Variants in GATA6 observed in about 807,000 individuals in gnomAD.
GATA6 encodes the protein transcription factor GATA-6.
GATA6 carries 11 observed loss-of-function variants against 48.1 expected under a neutral mutation model. The ratio of observed to expected loss-of-function variants is 0.23; its 90% CI spans 0.14 to 0.38. The LOEUF is 0.38. Ranked by LOEUF, GATA6 falls within the 10% of genes least tolerant of loss-of-function variation. The pLI, the probability that GATA6 is intolerant of heterozygous loss-of-function variation, is 1.00. For synonymous variants in GATA6, 419 were observed against 396.1 expected (o/e 1.06, Z -0.69); for missense variants, 795 against 850.3 (o/e 0.93, Z 0.81).
At chr18:22,191,232 A>G (rs1420542127) in intron 6 of GATA6, among the ~76,000 whole-genome samples, 1 of 152,160 alleles carries the variant, frequency 6.6e-6, no homozygotes, top group African/African-American at 2.4e-5. Flanking sequence ...GTGACTCATT[A>G]TCACTATCTG....
At chr18:22,180,689 T>TAAA (rs769055281) in intron 3 of GATA6, among the ~76,000 whole-genome samples, 14 of 150,754 alleles carry the variant, frequency 9.3e-5, no homozygotes, top group South Asian at 2.1e-4. Flanking sequence ...TTTTTTTTTT[T>TAAA]AAAAAAAACT....
At chr18:22,200,135 A>C (rs1012101084) in intron 6 of GATA6, among the ~76,000 whole-genome samples, 4 of 152,098 alleles carry the variant, frequency 2.6e-5, no homozygotes, top group African/African-American at 9.7e-5. Flanking sequence ...TTTTCTAAAA[A>C]GTCTAAAAAG....
intron 6 of GATA6, among the ~76,000 whole-genome samples, chr18:22,187,330 C>T (rs2033275215): frequency 6.6e-6 from 1 of 151,942 alleles, no homozygotes; most frequent in Admixed American, 6.6e-5. Flanking sequence ...AAAATACAAA[C>T]TTAGCCAGGC....
intron 5 of GATA6, 34 bp downstream of exon 5, chr18:22,182,878 T>A (rs369486263): frequency 1.3e-6 from 2 of 1,598,738 alleles, no homozygotes; most frequent in Non-Finnish European, 1.7e-6. Context: ...GACTGTAAAG[T>A]ATTTGCCAAC....
chr18:22,200,552 C>A (rs563666394), intron 6 of GATA6, 104 bp from the exon 7 acceptor site: 3 of 1,441,144 alleles, frequency 2.1e-6, no homozygotes, highest in South Asian at 1.1e-5. Flanking sequence ...CAGCTCTGGC[C>A]CTGGCTGCAC....
intron 4 of GATA6, among the ~76,000 whole-genome samples, chr18:22,182,349 CTT>C (rs34089081): frequency 8.2e-5 from 11 of 134,070 alleles, no homozygotes; most frequent in African/African-American, 1.4e-4. Context: ...ATGCCAAGTT[CTT>C]TTTTTTTTTT....
chr18:22,194,616 AAT>A (rs2033367229), intron 6 of GATA6, among the ~76,000 whole-genome samples: 1 of 152,138 alleles, frequency 6.6e-6, no homozygotes, highest in South Asian at 2.1e-4. Context: ...TTTGTGGGAA[AAT>A]ATATCAACCA....
At position 22,183,353 on chromosome 18, in the gene GATA6, A is replaced by G. The variant is rs1404711238; in HGVS notation, c.1620+310A>G. ...TTTCCAGGTTTTTATCAGAGTTGCT[A>G]TATATATTATATGTGTATATTTATG... On this transcript the variant is annotated intron_variant, in intron 6 of 6. Coordinates refer to ENST00000269216, the MANE Select transcript of GATA6 (RefSeq NM_005257.6). 3.3e-5 allele frequency among the ~76,000 whole-genome samples: 5 copies of G among 152,288 alleles called. No homozygotes were observed. In the South Asian group the frequency reaches 6.2e-4, roughly 19 times the overall value.
In GATA6 at chr18:22,171,324, C is replaced by G. The variant is rs1431278250; in HGVS notation, c.180C>G (p.Cys60Trp). 4 of 1,587,778 alleles carry G rather than the reference C, an allele frequency of 2.5e-6. No homozygotes were observed. Among genetic ancestry groups the G allele is most frequent in the Non-Finnish European group, 3.4e-6 (4 of 1,173,938 alleles). ...GGGGCCCCGGCGGCGCCAGCAACTGCGGGACGCCTCAGCTCGACACGGAGG... is the reference window on the plus strand; with the variant it reads ...GGGGCCCCGGCGGCGCCAGCAACTGGGGGACGCCTCAGCTCGACACGGAGG... Reference protein sequence around the residue: ...GERGPGGASNCGTPQLDTEAA... With the variant: ...GERGPGGASNWGTPQLDTEAA... The change falls in exon 2 of 7, where the codon TGC becomes TGG. Residue 60 changes from cysteine to tryptophan, a missense_variant. By Grantham distance (215) the Cys-to-Trp change is radical. Transcript: ENST00000269216. The surrounding 1 kb of genome is among the most constrained non-coding windows in gnomAD (Gnocchi z 7.1).
chr18:22,181,506 C>T lies in GATA6; in HGVS notation c.1356C>T (p.Thr452=). ...GTGCCAACTGTCACACCACAACTAC[C>T]ACCTTATGGCGCAGAAACGCCGAGG... The part of the protein sequence containing the change: ...LSCANCHTTT[T]TLWRRNAEGE... The change falls in exon 4 of 7, where the codon ACC becomes ACT. Residue 452 remains threonine (T), a synonymous_variant. Coordinates refer to ENST00000269216, the MANE Select transcript of GATA6 (RefSeq NM_005257.6). The T allele has an allele frequency of 6.2e-7, 1 of 1,614,158 alleles. No homozygotes were observed. The highest frequency in any genetic ancestry group is 8.5e-7 in the Non-Finnish European group (1 of 1,180,022).
rs763204851 is a variant in GATA6, at chr18:22,172,140, CCAT to C, written c.998_1000del (p.His333del). The C allele has an allele frequency of 5.4e-5, 82 of 1,522,896 alleles. No homozygotes were observed. The Middle Eastern group carries it at 6.8e-4, about 13-fold the overall frequency. 94.3% of individuals were successfully genotyped at this position (1,522,896 alleles called of 1,614,324 possible). On this transcript the variant is annotated inframe_deletion, in exon 2 of 7. Transcript: ENST00000269216. The surrounding 1 kb of genome is among the most constrained non-coding windows in gnomAD (Gnocchi z 5.2). Reference sequence around the variant, plus strand: ...ACCACCACCACCACCACCACCACCACCATCCGAGCCCCTACTCGCCCTACGTGG... The same window carrying C: ...ACCACCACCACCACCACCACCACCACCCGAGCCCCTACTCGCCCTACGTGG...
intron 2 of GATA6, among the ~76,000 whole-genome samples, chr18:22,173,990 T>G (rs1237815757): frequency 3.9e-5 from 6 of 152,316 alleles, no homozygotes; most frequent in East Asian, 3.9e-4. Context: ...ATTTTTCCCC[T>G]GTGTGTGGAA....
chr18:22,192,126 G>A (rs1327336629), intron 6 of GATA6, among the ~76,000 whole-genome samples: 1 of 152,240 alleles, frequency 6.6e-6, no homozygotes, highest in East Asian at 1.9e-4. Context: ...GCAGCTGGGA[G>A]GAAACAGATT....
chr18:22,181,654 G>A (rs2033197626), intron 4 of GATA6, 76 bp downstream of exon 4: 1 of 1,539,120 alleles, frequency 6.5e-7, no homozygotes, highest in African/African-American at 1.4e-5. Flanking sequence ...CAAAGAATCA[G>A]CAAATGAAAG....
At position 22,201,165 on chromosome 18, in the gene GATA6, G is replaced by T. The variant is rs1357914781; in HGVS notation, c.*342G>T. The T allele has an allele frequency of 6.5e-6, 2 of 309,560 alleles. No individual in the cohort carries two copies. The highest frequency in any genetic ancestry group is 2.1e-5 in the African/African-American group (1 of 47,372). The allele number at this position is 309,560 out of a possible 1,614,324, so 19.2% of individuals were successfully genotyped here. A position where few individuals can be genotyped will look rare whatever the true frequency, so the allele number is the denominator to read the frequency against. ...GATTTTGCATTTTGTCCAAAATCAT[G>T]TGCTTCTTCTGATCAATTTTGGTTG... On this transcript the variant is annotated 3_prime_UTR_variant, in exon 7 of 7. Transcript: ENST00000269216.
At chr18:22,191,723 A>ACC (rs2033330213) in intron 6 of GATA6, among the ~76,000 whole-genome samples, 1 of 152,190 alleles carries the variant, frequency 6.6e-6, no homozygotes, top group African/African-American at 2.4e-5. Flanking sequence ...CCACTCAGCT[A>ACC]CCCATCACAT....
chr18:22,180,826 AG>A (rs1273588407), intron 3 of GATA6, among the ~76,000 whole-genome samples: 4 of 152,056 alleles, frequency 2.6e-5, no homozygotes, highest in African/African-American at 7.2e-5. Context: ...TCCGGTTTTC[AG>A]GGGAAGTGGA....
chr18:22,187,482 G>GA (rs997261119), intron 6 of GATA6, among the ~76,000 whole-genome samples: 2,144 of 144,366 alleles, frequency 0.015, 55 homozygotes, highest in African/African-American at 0.05. Context: ...CTCTGTCTCA[G>GA]AAAAAAAAAA....
At chr18:22,196,894 C>T (rs905605959) in intron 6 of GATA6, among the ~76,000 whole-genome samples, 2 of 152,100 alleles carry the variant, frequency 1.3e-5, no homozygotes, top group African/African-American at 4.8e-5. Context: ...TGTGTTCCGA[C>T]TGCTTCTGCC....
Sources: allele counts gnomAD v4.1 joint callset (sites outside exome capture counted in the v4.1 genomes callset), GRCh38; gene constraint gnomAD v4.1.1; non-coding constraint Gnocchi (gnomAD v3.1); transcripts MANE v1.5; gene names NCBI Gene and HGNC (gene_info 2026-07-23, HGNC 2026-07-21).